Variants in EYS observed in about 807,000 individuals in gnomAD.
EYS encodes the protein protein eyes shut homolog.
In EYS, 250 loss-of-function variants were observed where a neutral mutation model predicts 282.1. The observed-to-expected ratio is 0.89, with a 90% CI of 0.80 to 0.98. The LOEUF (loss-of-function observed/expected upper bound fraction) is 0.98. Ranked by LOEUF, EYS falls within the 50% of genes least tolerant of loss-of-function variation. The pLI is 0.00. For missense variants in EYS, 4,016 were observed against 3,709.0 expected, an observed-to-expected ratio of 1.08 and a Z score of -2.15; for synonymous variants, 1,355 against 1,282.9, an observed-to-expected ratio of 1.06 and a Z score of -1.20.
intron 28 of EYS, among the ~76,000 whole-genome samples, chr6:64,422,761 T>C (rs1243016047): frequency 1.3e-5 from 2 of 152,232 alleles, no homozygotes; most frequent in African/African-American, 2.4e-5. Context: ...ATAATGTCTA[T>C]GTTAATCTTG....
intron 31 of EYS, among the ~76,000 whole-genome samples, chr6:64,214,846 G>A (rs1765883293): frequency 6.6e-6 from 1 of 151,972 alleles, no homozygotes; most frequent in Non-Finnish European, 1.5e-5. Flanking sequence ...TCCTTGTAAT[G>A]TGCCATTTGA....
intron 26 of EYS, among the ~76,000 whole-genome samples, chr6:64,551,333 A>AT: frequency 6.6e-6 from 1 of 151,858 alleles, no homozygotes; most frequent in South Asian, 2.1e-4. Flanking sequence ...CCAACAACCA[A>AT]TTGTACAAGT....
chr6:64,051,493 T>C (rs1770809248), intron 33 of EYS, among the ~76,000 whole-genome samples: 1 of 152,164 alleles, frequency 6.6e-6, no homozygotes, highest in Non-Finnish European at 1.5e-5. Flanking sequence ...CTTCCTGGAA[T>C]AGCAATTTCC....
intron 2 of EYS, among the ~76,000 whole-genome samples, chr6:65,607,526 C>T (rs567570269): frequency 3.3e-5 from 5 of 151,714 alleles, no homozygotes; most frequent in African/African-American, 4.8e-5. Context: ...TTATAAGAGT[C>T]GCCCTATGAT....
At chr6:64,645,756 G>A (rs376512969) in intron 22 of EYS, among the ~76,000 whole-genome samples, 1 of 152,126 alleles carries the variant, frequency 6.6e-6, no homozygotes, top group Non-Finnish European at 1.5e-5. Context: ...CTGCTTAAAT[G>A]CTAGTGATTT....
chr6:65,369,135 C>G (rs939704771), intron 8 of EYS, among the ~76,000 whole-genome samples: 1 of 149,996 alleles, frequency 6.7e-6, no homozygotes, highest in African/African-American at 2.4e-5. Context: ...TAATAATATA[C>G]ATAGAGGAAA....
chr6:64,449,268 G>A (rs543894926), intron 26 of EYS, among the ~76,000 whole-genome samples: 29 of 151,942 alleles, frequency 1.9e-4, no homozygotes, highest in African/African-American at 5.8e-4. Context: ...GATGGAAGAC[G>A]AAATGAATGA....
chr6:64,589,573 G>A (rs577559095), intron 26 of EYS, among the ~76,000 whole-genome samples: 1 of 151,982 alleles, frequency 6.6e-6, no homozygotes, highest in South Asian at 2.1e-4. Context: ...TTTAAAATAC[G>A]CTTTAAAGTA....
chr6:65,273,550 A>AC (rs1197049382), intron 12 of EYS, among the ~76,000 whole-genome samples: 1 of 152,004 alleles, frequency 6.6e-6, no homozygotes, highest in African/African-American at 2.4e-5. Context: ...GGCTCCAGAC[A>AC]CCCCCAATCC....
In EYS at chr6:65,390,362, G is replaced by T. The variant is rs560142207; in HGVS notation, c.1185-5862C>A. Among the ~76,000 whole-genome samples, 100 of 151,470 alleles carry T rather than the reference G, an allele frequency of 6.6e-4. 1 individual carries two copies. Among genetic ancestry groups the T allele is most frequent in the African/African-American group, 2.4e-3 (97 of 41,238 alleles). On this transcript the variant is annotated intron_variant, in intron 7 of 42. Transcript: ENST00000503581. ...GCTACTAGAAAAGGAGCCAGGGAGA[G>T]GGGGAGGGGGAGAGAGAGTCAGAGA...
At chr6:64,256,877 C>T (rs1187004089) in intron 30 of EYS, among the ~76,000 whole-genome samples, 2 of 151,974 alleles carry the variant, frequency 1.3e-5, no homozygotes, top group Non-Finnish European at 2.9e-5. Context: ...AGTTACATCA[C>T]GGATAACAAG....
chr6:64,194,043 A>G (rs1765202449), intron 31 of EYS, among the ~76,000 whole-genome samples: 1 of 151,962 alleles, frequency 6.6e-6, no homozygotes, highest in South Asian at 2.1e-4. Flanking sequence ...GTCAAATGGT[A>G]TGGTATTTTT....
intron 31 of EYS, among the ~76,000 whole-genome samples, chr6:64,138,700 T>C (rs887418794): frequency 6.6e-6 from 1 of 152,188 alleles, no homozygotes; most frequent in African/African-American, 2.4e-5. Flanking sequence ...ATCCTCATAA[T>C]TGTGCTGTTT....
chr6:65,571,608 A>G (rs1330335314), intron 2 of EYS, among the ~76,000 whole-genome samples: 2 of 152,070 alleles, frequency 1.3e-5, no homozygotes, highest in Non-Finnish European at 2.9e-5. Context: ...TCCTATAGCC[A>G]TAGTCCCGGG....
At chr6:64,548,095 C>T (rs867374772) in intron 26 of EYS, among the ~76,000 whole-genome samples, 1 of 152,184 alleles carries the variant, frequency 6.6e-6, no homozygotes, top group Non-Finnish European at 1.5e-5. Flanking sequence ...TCGGCCAGCC[C>T]AGGAAGGGGC....
chr6:63,907,181 A>T (rs1450201854), intron 35 of EYS, among the ~76,000 whole-genome samples: 9 of 152,130 alleles, frequency 5.9e-5, no homozygotes, highest in Admixed American at 5.9e-4. Flanking sequence ...CTTTTCTTTC[A>T]GGCCTAGTTT....
intron 19 of EYS, among the ~76,000 whole-genome samples, chr6:64,829,996 A>T (rs950719640): frequency 2.6e-5 from 4 of 151,988 alleles, no homozygotes; most frequent in African/African-American, 9.7e-5. Context: ...TCAAGGAAAG[A>T]AGTTCCTTAT....
chr6:65,380,887 T>C (rs1765585127), intron 8 of EYS, among the ~76,000 whole-genome samples: 1 of 152,124 alleles, frequency 6.6e-6, no homozygotes, highest in South Asian at 2.1e-4. Flanking sequence ...TCACTGGTCA[T>C]TAGAGAAATG....
chr6:64,137,901 AAAAAACAAAAAC>A (rs751229483), intron 31 of EYS, among the ~76,000 whole-genome samples: 1 of 152,192 alleles, frequency 6.6e-6, no homozygotes, highest in Non-Finnish European at 1.5e-5. Flanking sequence ...CTTACTTTGT[AAAAAACAAAAAC>A]AAAAACAAAA....
Sources: allele counts gnomAD v4.1 joint callset (sites outside exome capture counted in the v4.1 genomes callset), GRCh38; gene constraint gnomAD v4.1.1; transcripts MANE v1.5; gene names NCBI Gene and HGNC (gene_info 2026-07-23, HGNC 2026-07-21).